Variants in EBF1 observed in about 807,000 individuals in gnomAD.
EBF1 encodes transcription factor COE1.
Under a neutral mutation model 68.4 loss-of-function variants are expected in EBF1, and 10 were observed. That is an observed-to-expected ratio of 0.15 (90% confidence interval 0.09 to 0.25). EBF1 has a LOEUF of 0.25. Among genes scored for constraint, EBF1 ranks in the 10% least tolerant of loss-of-function variants. EBF1 has a pLI of 1.00. For missense variants in EBF1, 509 were observed against 794.4 expected, an observed-to-expected ratio of 0.64 and a Z score of 4.32; for synonymous variants, 298 against 299.8, an observed-to-expected ratio of 0.99 and a Z score of 0.06.
rs753701691 is a variant in EBF1, at chr5:159,084,700, A to T, written c.451T>A (p.Cys151Ser). The change falls in exon 5 of 16, where the codon TGC becomes AGC. Residue 151 changes from cysteine to serine, a missense_variant. By Grantham distance (112) the Cys-to-Ser change is moderately radical (BLOSUM62 -1). Coordinates refer to ENST00000313708, the MANE Select transcript of EBF1 (RefSeq NM_024007.5). The stretch of plus-strand genomic sequence containing the variant: ...ATCTCATGTGTGAGCAAGACTCGGC[A>T]CATTTCTGGGTTCTTGTCTTGGCCT... ...YEGQDKNPEM[C>S]RVLLTHEIMC... The T allele has an allele frequency of 6.2e-7, 1 of 1,601,614 alleles. No homozygotes were observed. Among genetic ancestry groups the T allele is most frequent in the Non-Finnish European group, 8.5e-7 (1 of 1,172,606 alleles).
intron 6 of EBF1, among the ~76,000 whole-genome samples, chr5:158,969,922 A>G (rs938148991): frequency 1.4e-4 from 17 of 125,204 alleles, no homozygotes; most frequent in South Asian, 5.1e-4. Flanking sequence ...GAAAGAAAAA[A>G]AAAAAAAAGG....
chr5:158,710,733 CTTT>C (rs1347052572), intron 14 of EBF1, among the ~76,000 whole-genome samples: 1 of 152,164 alleles, frequency 6.6e-6, no homozygotes, highest in African/African-American at 2.4e-5. Context: ...GATCTTTCCT[CTTT>C]CAAAGAACTA....
chr5:158,771,011 G>A (rs902921092), intron 10 of EBF1, among the ~76,000 whole-genome samples: 1 of 152,062 alleles, frequency 6.6e-6, no homozygotes, highest in African/African-American at 2.4e-5. Context: ...AATAAGACAG[G>A]CAATCCACAA....
intron 6 of EBF1, among the ~76,000 whole-genome samples, chr5:158,928,415 T>C (rs752053176): frequency 1.3e-5 from 2 of 152,186 alleles, no homozygotes; most frequent in Non-Finnish European, 2.9e-5. Flanking sequence ...AAAGCACCCC[T>C]CTGCCCACAT....
At chr5:158,798,956 C>CT (rs1427572651) in intron 8 of EBF1, among the ~76,000 whole-genome samples, 1 of 152,154 alleles carries the variant, frequency 6.6e-6, no homozygotes, top group African/African-American at 2.4e-5. Flanking sequence ...TCATTCAGAC[C>CT]TTTCTAAGTT....
intron 6 of EBF1, among the ~76,000 whole-genome samples, chr5:158,939,600 G>GA (rs561822255): frequency 3.1e-4 from 47 of 152,314 alleles, no homozygotes; most frequent in Admixed American, 2.2e-3. Flanking sequence ...GCACACAGGG[G>GA]AATGACATAA....
At chr5:158,716,603 T>C (rs1561722427) in intron 11 of EBF1, among the ~76,000 whole-genome samples, 1 of 152,222 alleles carries the variant, frequency 6.6e-6, no homozygotes, top group Non-Finnish European at 1.5e-5. Context: ...GCTTTGCCCA[T>C]GTGATTTGGC....
At position 158,712,977 on chromosome 5, in the gene EBF1, G is replaced by C. The variant is rs1020629773; in HGVS notation, c.1362C>G (p.Thr454=). The change falls in exon 13 of 16, where the codon ACC becomes ACG. Residue 454 remains threonine, a synonymous_variant. Transcript: ENST00000313708. ...GAAAAGCAAGCTTCTGACCCTGATT[G>C]GTGGCTTGTGATGCCTCGGAGACAT... The part of the protein sequence containing the change: ...AVNVSEASQA[T]NQGFTRNSSS... The C allele has an allele frequency of 6.7e-7, 1 of 1,486,080 alleles. No individual in the cohort carries two copies. Among genetic ancestry groups the C allele is most frequent in the Non-Finnish European group, 9.0e-7 (1 of 1,108,102 alleles). 92.1% of individuals were successfully genotyped at this position (1,486,080 alleles called of 1,614,324 possible). A position where few individuals can be genotyped will look rare whatever the true frequency, so the allele number is the denominator to read the frequency against.
chr5:159,096,825 C>G, intron 2 of EBF1, 149 bp downstream of exon 2: 4 of 1,054,008 alleles, frequency 3.8e-6, no homozygotes, highest in Non-Finnish European at 5.3e-6. Flanking sequence ...ACCCTGGGTT[C>G]GTCTGGGATG....
intron 7 of EBF1, among the ~76,000 whole-genome samples, chr5:158,829,899 A>G (rs1345249783): frequency 2.0e-5 from 3 of 152,324 alleles, no homozygotes; most frequent in Admixed American, 6.5e-5. Flanking sequence ...TGAAATATTC[A>G]GTTAACTTTC....
intron 8 of EBF1, among the ~76,000 whole-genome samples, chr5:158,806,879 TG>T (rs1781687080): frequency 6.6e-6 from 1 of 152,150 alleles, no homozygotes; most frequent in South Asian, 2.1e-4. Flanking sequence ...GCTGACTGGA[TG>T]TTTGATCCCA....
intron 6 of EBF1, among the ~76,000 whole-genome samples, chr5:159,056,582 G>C (rs1038906201): frequency 6.6e-6 from 1 of 152,056 alleles, no homozygotes; most frequent in African/African-American, 2.4e-5. Context: ...AAACCTCTTC[G>C]GGCTTAGGCA....
intron 8 of EBF1, among the ~76,000 whole-genome samples, chr5:158,806,405 G>C (rs1323555202): frequency 1.3e-5 from 2 of 152,058 alleles, no homozygotes; most frequent in African/African-American, 4.8e-5. Flanking sequence ...CAGCCTGTGT[G>C]CCCTTGGCCC....
At chr5:158,744,474 G>A (rs1369071924) in intron 10 of EBF1, among the ~76,000 whole-genome samples, 1 of 152,118 alleles carries the variant, frequency 6.6e-6, no homozygotes, top group African/African-American at 2.4e-5. Context: ...GTAAATGTAA[G>A]CAAATTTGTA....
rs575484683 is a variant in EBF1, at chr5:158,992,527, A to G, written c.554+80869T>C. Among the ~76,000 whole-genome samples, 10 of 152,328 alleles carry G rather than the reference A, an allele frequency of 6.6e-5. No homozygotes were observed. The South Asian group carries it at 2.1e-3, about 32-fold the overall frequency. On this transcript the variant is annotated intron_variant, in intron 6 of 15. Coordinates refer to ENST00000313708, the MANE Select transcript of EBF1 (RefSeq NM_024007.5). ...ACCACATGTCTGCCCAGAACTGTGT[A>G]ATTATAATGCTAGGATTCTTGGCAC...
intron 6 of EBF1, among the ~76,000 whole-genome samples, chr5:158,909,527 G>A (rs1805433377): frequency 6.6e-6 from 1 of 152,162 alleles, no homozygotes; most frequent in Admixed American, 6.5e-5. Flanking sequence ...AACTCATGCT[G>A]CCAGGCATGA....
At chr5:158,775,783 G>GC (rs1775052535) in intron 10 of EBF1, among the ~76,000 whole-genome samples, 8 of 129,602 alleles carry the variant, frequency 6.2e-5, no homozygotes, top group African/African-American at 1.5e-4. Flanking sequence ...CATGCACACA[G>GC]ACACACACAC....
intron 6 of EBF1, chr5:158,941,327 T>C (rs1486700260): frequency 1.3e-5 from 6 of 448,600 alleles, no homozygotes; most frequent in Non-Finnish European, 4.5e-6. Flanking sequence ...TAAATTCTTG[T>C]AGCAAGAACC....
At chr5:159,031,954 G>A (rs1385429694) in intron 6 of EBF1, among the ~76,000 whole-genome samples, 1 of 152,100 alleles carries the variant, frequency 6.6e-6, no homozygotes. Flanking sequence ...TCCCGTCTTC[G>A]AAGGAATTTT....
Sources: gnomAD v4.1 joint callset for allele counts (sites outside exome capture counted in the v4.1 genomes callset) on GRCh38, gnomAD v4.1.1 for gene constraint, MANE v1.5 for transcripts, NCBI Gene and HGNC (gene_info 2026-07-23, HGNC 2026-07-21) for gene names.